Variants in MCOLN2 observed in about 807,000 individuals in gnomAD.
The protein encoded by MCOLN2 is mucolipin-2.
MCOLN2 carries 57 observed loss-of-function variants against 67.5 expected under a neutral mutation model. The observed-to-expected ratio is 0.84, with a 90% CI of 0.68 to 1.05. MCOLN2 has a LOEUF of 1.05. Among genes scored for constraint, MCOLN2 ranks in the 50% least tolerant of loss-of-function variants. MCOLN2 has a pLI of 0.00. For missense variants in MCOLN2, 620 were observed against 678.8 expected, an observed-to-expected ratio of 0.91 and a Z score of 0.96; for synonymous variants, 246 against 233.3, an observed-to-expected ratio of 1.05 and a Z score of -0.50.
At chr1:84,939,524 A>C in intron 9 of MCOLN2, 29 bp downstream of exon 9, 1 of 1,610,786 alleles carries the variant, frequency 6.2e-7, no homozygotes. Context: ...GAAGATGAAG[A>C]ACAGAGACTT....
Position 84,941,002 on chromosome 1 carries a change from A to G in MCOLN2, c.848-11T>C. Reference sequence around the variant, plus strand: ...GAGCATTTTTCTGAGCTGAGGAATAAAACAGAATTCAAATGTTAAACACAC... The same window carrying G: ...GAGCATTTTTCTGAGCTGAGGAATAGAACAGAATTCAAATGTTAAACACAC... On this transcript the variant is annotated splice_polypyrimidine_tract_variant and intron_variant, in intron 7 of 13. Transcript: ENST00000370608. The G allele has an allele frequency of 6.4e-7, 1 of 1,572,614 alleles. No individual in the cohort carries two copies. Among genetic ancestry groups the G allele is most frequent in the South Asian group, 1.1e-5 (1 of 88,594 alleles).
At chr1:84,973,982 G>A (rs1254578454) in intron 1 of MCOLN2, among the ~76,000 whole-genome samples, 1 of 152,208 alleles carries the variant, frequency 6.6e-6, no homozygotes, top group Non-Finnish European at 1.5e-5. Context: ...GCCTCTGCAT[G>A]CTGTGGGAGG....
intron 1 of MCOLN2, among the ~76,000 whole-genome samples, chr1:84,991,412 G>A (rs1214964217): frequency 6.6e-6 from 1 of 152,152 alleles, no homozygotes; most frequent in African/African-American, 2.4e-5. Flanking sequence ...TGATCTGCTA[G>A]TCTCACAAGA....
chr1:84,926,797 T>G, intron 13 of MCOLN2, 76 bp from the exon 14 acceptor site: 1 of 1,130,840 alleles, frequency 8.8e-7, no homozygotes, highest in South Asian at 1.7e-5. Context: ...AGGAATACTC[T>G]ATATTCTAGG....
rs888551933 is a variant in MCOLN2, at chr1:84,939,593, G to A, written c.1070C>T (p.Thr357Ile). The A allele has an allele frequency of 1.9e-6, 3 of 1,613,920 alleles. No individual in the cohort carries two copies. The highest frequency in any genetic ancestry group is 1.3e-5 in the African/African-American group (1 of 74,894). ...CATTTTTAATATGGAGCCAATGATT[G>A]TCATTAGGTCGCTGATAATCACCAG... ...YVLVIISDLM[T>I]IIGSILKMEI... is the part of the protein sequence containing the mutation. Residue 357 changes from threonine (T) to isoleucine (I), a missense_variant, in exon 9 of 14, where the codon ACA becomes ATA. Physicochemically the swap from Thr to Ile is moderately conservative, Grantham distance 89. Coordinates refer to ENST00000370608, the MANE Select transcript of MCOLN2 (RefSeq NM_153259.4).
At chr1:84,996,768 C>T in intron 1 of MCOLN2, 28 bp downstream of exon 1, 1 of 1,600,352 alleles carries the variant, frequency 6.2e-7, no homozygotes, top group South Asian at 1.1e-5. Flanking sequence ...AGTCCAGCAT[C>T]CTGAAAGATG....
chr1:84,981,491 T>C (rs2102878817), intron 1 of MCOLN2, among the ~76,000 whole-genome samples: 1 of 152,312 alleles, frequency 6.6e-6, no homozygotes, highest in East Asian at 1.9e-4. Context: ...AATGAGATCC[T>C]GTCATTTGCA....
intron 1 of MCOLN2, among the ~76,000 whole-genome samples, chr1:84,970,546 G>A (rs1027954816): frequency 1.3e-5 from 2 of 152,012 alleles, no homozygotes; most frequent in East Asian, 3.9e-4. Context: ...AGGCATGTGT[G>A]GTGGCACACG....
intron 1 of MCOLN2, among the ~76,000 whole-genome samples, chr1:84,982,012 T>C (rs1332066053): frequency 2.0e-5 from 3 of 150,176 alleles, no homozygotes; most frequent in African/African-American, 7.3e-5. Context: ...GTAAAACTAA[T>C]GTAAGCCTAA....
chr1:84,948,445 C>A lies in MCOLN2; in HGVS notation c.748-1313G>T, dbSNP rs192145962. ...GGCCCATCTACAGGAAAAAGTCTAT[C>A]CCTGTGAAAGCTATTCCATAAAATT... On this transcript the variant is annotated intron_variant, in intron 6 of 13. Coordinates refer to ENST00000370608, the MANE Select transcript of MCOLN2 (RefSeq NM_153259.4). Among the ~76,000 whole-genome samples the A allele has an allele frequency of 4.0e-3, 611 of 152,198 alleles. 2 individuals are homozygous for A. The highest frequency in any genetic ancestry group is 0.013 in the African/African-American group (552 of 41,520).
At chr1:84,975,587 A>T (rs1195318275) in intron 1 of MCOLN2, among the ~76,000 whole-genome samples, 1 of 152,174 alleles carries the variant, frequency 6.6e-6, no homozygotes, top group Non-Finnish European at 1.5e-5. Flanking sequence ...GACAGTGAAG[A>T]CTACAATAAA....
chr1:84,980,806 T>C (rs948570422), intron 1 of MCOLN2, among the ~76,000 whole-genome samples: 2 of 152,078 alleles, frequency 1.3e-5, no homozygotes, highest in Non-Finnish European at 2.9e-5. Context: ...CATGAACGAA[T>C]GGGACCAAAT....
rs201459541 is a variant in MCOLN2, at chr1:84,940,865, G to A, written c.960+14C>T. 6.4e-6 allele frequency: 10 copies of A among 1,574,560 alleles called. No individual in the cohort carries two copies. Among genetic ancestry groups the A allele is most frequent in the African/African-American group, 2.7e-5 (2 of 74,012 alleles). On this transcript the variant is annotated intron_variant, in intron 8 of 13. Transcript: ENST00000370608. The stretch of plus-strand genomic sequence containing the variant: ...GGCCAAGAGGGCAGGAAGAGAATGC[G>A]AACACACTCTTACCTTCCGTAACCT...
intron 1 of MCOLN2, among the ~76,000 whole-genome samples, chr1:84,986,540 T>A (rs1226103614): frequency 4.0e-5 from 4 of 99,064 alleles, no homozygotes; most frequent in Non-Finnish European, 5.7e-5. Flanking sequence ...CAAAACTCCA[T>A]CTCAAAAAAA....
At chr1:84,994,840 T>C (rs1651072026) in intron 1 of MCOLN2, among the ~76,000 whole-genome samples, 2 of 152,188 alleles carry the variant, frequency 1.3e-5, no homozygotes, top group Admixed American at 6.5e-5. Flanking sequence ...TGGCACAAAA[T>C]GCCTAGCTTT....
chr1:84,931,361 C>A lies in MCOLN2; in HGVS notation c.1542+1G>T, dbSNP rs979645230. 5.3e-6 allele frequency: 8 copies of A among 1,516,704 alleles called. No individual in the cohort carries two copies. Among genetic ancestry groups the A allele is most frequent in the East Asian group, 4.5e-5 (2 of 44,358 alleles). The allele number at this position is 1,516,704 out of a possible 1,614,324, so 94.0% of individuals were successfully genotyped here. ...GGCAGCAAATTTTGATAATTACTTA[C>A]CTTAATGGTGTCATAAGAATCTGTA... is the stretch of plus-strand genomic sequence containing the variant. On this transcript the variant is annotated splice_donor_variant, in intron 12 of 13. Coordinates refer to ENST00000370608, the MANE Select transcript of MCOLN2 (RefSeq NM_153259.4). LOFTEE classifies it high-confidence loss of function.
At chr1:84,996,520 C>A (rs924331395) in intron 1 of MCOLN2, among the ~76,000 whole-genome samples, 1 of 149,928 alleles carries the variant, frequency 6.7e-6, no homozygotes, top group Non-Finnish European at 1.5e-5. Flanking sequence ...GGTTTGACCA[C>A]GGAGGAGGGG....
chr1:84,941,797 A>C (rs968794992), intron 7 of MCOLN2, among the ~76,000 whole-genome samples: 1 of 152,214 alleles, frequency 6.6e-6, no homozygotes, highest in East Asian at 1.9e-4. Flanking sequence ...CAATCTTATA[A>C]GCCTTCTCTG....
intron 7 of MCOLN2, 76 bp from the exon 8 acceptor site, chr1:84,941,067 AAAG>A (rs1647752100): frequency 2.3e-6 from 2 of 866,712 alleles, no homozygotes; most frequent in East Asian, 2.7e-5. Flanking sequence ...GGCAGTGTGA[AAAG>A]AAGTTCAAAC....
Sources: gnomAD v4.1 joint callset for allele counts (sites outside exome capture counted in the v4.1 genomes callset) on GRCh38, gnomAD v4.1.1 for gene constraint, MANE v1.5 for transcripts, NCBI Gene and HGNC (gene_info 2026-07-23, HGNC 2026-07-21) for gene names.